The following CADPS2 variants were observed in gnomAD, a reference collection of about 807,000 sequenced individuals.
CADPS2 encodes the protein calcium dependent secretion activator 2, also known as calcium-dependent secretion activator 2.
In CADPS2, 93 loss-of-function variants were observed where a neutral mutation model predicts 172.5. The observed-to-expected ratio is 0.54, with a 90% CI of 0.46 to 0.64. The LOEUF is 0.64. CADPS2 is among the 30% of genes least tolerant of loss of function. CADPS2 has a pLI of 0.00. For missense variants in CADPS2, 1,420 were observed against 1,565.9 expected (o/e 0.91, Z 1.57); for synonymous variants, 546 against 555.2 (o/e 0.98, Z 0.23).
At chr7:122,361,069 C>T (rs1304206728) in intron 25 of CADPS2, 56 bp from the exon 26 acceptor site, 2 of 1,367,182 alleles carry the variant, frequency 1.5e-6, no homozygotes, top group Non-Finnish European at 2.1e-6. Context: ...AAACTAATAG[C>T]AGGACAAACA....
intron 25 of CADPS2, 199 bp downstream of exon 25, chr7:122,379,169 T>C (rs2042698429): frequency 2.4e-6 from 1 of 414,348 alleles, no homozygotes; most frequent in Non-Finnish European, 4.3e-6. Flanking sequence ...CCAAAATTTA[T>C]TATATACAAA....
chr7:122,515,650 A>G (rs1292605204), intron 8 of CADPS2, among the ~76,000 whole-genome samples: 1 of 152,064 alleles, frequency 6.6e-6, no homozygotes, highest in Non-Finnish European at 1.5e-5. Flanking sequence ...GTCATATACA[A>G]GTGAAAGTAA....
chr7:122,555,763 T>C (rs143429900), intron 7 of CADPS2, among the ~76,000 whole-genome samples: 2 of 152,234 alleles, frequency 1.3e-5, no homozygotes, highest in Non-Finnish European at 2.9e-5. Context: ...TTGTTAGGGA[T>C]AGTCTTTACC....
intron 1 of CADPS2, among the ~76,000 whole-genome samples, chr7:122,740,950 A>G (rs1177316717): frequency 6.6e-6 from 1 of 152,216 alleles, no homozygotes; most frequent in East Asian, 1.9e-4. Flanking sequence ...TTTTAAAGGT[A>G]CATATCCTTG....
At chr7:122,839,235 G>A (rs1209960892) in intron 1 of CADPS2, among the ~76,000 whole-genome samples, 4 of 152,166 alleles carry the variant, frequency 2.6e-5, no homozygotes, top group Non-Finnish European at 5.9e-5. Flanking sequence ...TATGTAGACA[G>A]CTGAAACTGG....
At chr7:122,681,418 C>T (rs1308811853) in intron 2 of CADPS2, 2 of 1,535,050 alleles carry the variant, frequency 1.3e-6, no homozygotes, top group Non-Finnish European at 1.8e-6. Context: ...AAGGACAAGG[C>T]CATTAAGAAA....
At chr7:122,645,496 A>AAG (rs1213314380) in intron 3 of CADPS2, among the ~76,000 whole-genome samples, 1 of 78,952 alleles carries the variant, frequency 1.3e-5, no homozygotes, top group African/African-American at 5.7e-5. Context: ...GCGTATATAT[A>AAG]TATAAGTATA....
intron 18 of CADPS2, among the ~76,000 whole-genome samples, chr7:122,415,602 A>G (rs963675413): frequency 2.7e-5 from 3 of 110,062 alleles, no homozygotes; most frequent in African/African-American, 4.4e-5. Context: ...ATACAGAACC[A>G]AAAAAAAAAA....
intron 2 of CADPS2, among the ~76,000 whole-genome samples, chr7:122,693,694 G>C (rs2084695926): frequency 6.6e-6 from 1 of 152,180 alleles, no homozygotes; most frequent in Non-Finnish European, 1.5e-5. Context: ...AGTGGCTCGT[G>C]CCTATAAACC....
intron 2 of CADPS2, among the ~76,000 whole-genome samples, chr7:122,675,983 T>TA (rs1023387262): frequency 5.3e-5 from 8 of 150,552 alleles, no homozygotes; most frequent in East Asian, 3.9e-4. Context: ...GAACCCAAAG[T>TA]AAAAAAAACA....
At chr7:122,528,812 T>A (rs1309862017) in intron 8 of CADPS2, among the ~76,000 whole-genome samples, 1 of 152,140 alleles carries the variant, frequency 6.6e-6, no homozygotes, top group Non-Finnish European at 1.5e-5. Flanking sequence ...CCTTGTGATA[T>A]CTTTGATTAT....
intron 2 of CADPS2, chr7:122,697,719 A>G: frequency 8.4e-7 from 1 of 1,184,686 alleles, no homozygotes; most frequent in African/African-American, 1.5e-5. Context: ...TCAAACAGAC[A>G]AACTGCTTGT....
chr7:122,721,291 A>T (rs1487348533), intron 2 of CADPS2, among the ~76,000 whole-genome samples: 1 of 152,134 alleles, frequency 6.6e-6, no homozygotes, highest in Non-Finnish European at 1.5e-5. Context: ...ATAGACTGCT[A>T]GCAAGACTAA....
chr7:122,404,763 C>A (rs1161228475), intron 20 of CADPS2, among the ~76,000 whole-genome samples: 5 of 151,992 alleles, frequency 3.3e-5, no homozygotes, highest in East Asian at 1.9e-4. Flanking sequence ...TTAAAATAAC[C>A]CCCAAAATAC....
At chr7:122,845,772 T>C (rs1032839517) in intron 1 of CADPS2, among the ~76,000 whole-genome samples, 1 of 152,204 alleles carries the variant, frequency 6.6e-6, no homozygotes, top group Non-Finnish European at 1.5e-5. Flanking sequence ...AAATAGTCTT[T>C]TGGGGGCTAC....
chr7:122,767,151 T>G (rs2138948278), intron 1 of CADPS2, among the ~76,000 whole-genome samples: 1 of 152,258 alleles, frequency 6.6e-6, no homozygotes, highest in Non-Finnish European at 1.5e-5. Flanking sequence ...ATTTAATGAG[T>G]TTCTAAATAC....
chr7:122,410,173 G>A (rs745857372), intron 19 of CADPS2, among the ~76,000 whole-genome samples: 4 of 152,018 alleles, frequency 2.6e-5, no homozygotes, highest in Non-Finnish European at 4.4e-5. Flanking sequence ...GGGAAACCCC[G>A]TCTCTACTAA....
At position 122,319,151 on chromosome 7, in the gene CADPS2, A is replaced by G. The variant is rs1020581700; in HGVS notation, c.*1014T>C. 2 of 152,198 alleles carry G rather than the reference A, an allele frequency of 1.3e-5. No individual in the cohort carries two copies. Among genetic ancestry groups the G allele is most frequent in the East Asian group, 1.9e-4 (1 of 5,200 alleles). 9.4% of individuals were successfully genotyped at this position (152,198 alleles called of 1,614,324 possible). A position where few individuals can be genotyped will look rare whatever the true frequency, so the allele number is the denominator to read the frequency against. On this transcript the variant is annotated 3_prime_UTR_variant, in exon 30 of 30. Transcript: ENST00000449022. ...TATTAACTAATAATATATGAAATAT[A>G]TATTTCCTCTGCTATGGAAATATGC...
At position 122,490,062 on chromosome 7, in the gene CADPS2, AT is replaced by A. The variant is rs2058152458; in HGVS notation, c.1852+18del. 1 of 1,607,816 alleles carries A rather than the reference AT, an allele frequency of 6.2e-7. No homozygotes were observed. Among genetic ancestry groups the A allele is most frequent in the Non-Finnish European group, 8.5e-7 (1 of 1,175,154 alleles). On this transcript the variant is annotated intron_variant, in intron 11 of 29. Transcript: ENST00000449022. ...AAGGCTATTAATTGATAATCAAATT[AT>A]TTTTTAACAAAACTTACAAAGCTGA...
Sources: allele counts gnomAD v4.1 joint callset (sites outside exome capture counted in the v4.1 genomes callset), GRCh38; gene constraint gnomAD v4.1.1; transcripts MANE v1.5; gene names NCBI Gene and HGNC (gene_info 2026-07-23, HGNC 2026-07-21).